Variants in P3H2 observed in about 807,000 individuals in gnomAD.
P3H2 encodes leprecan-like 1.
In P3H2, 80 loss-of-function variants were observed where a neutral mutation model predicts 87.0. The observed-to-expected ratio is 0.92, with a 90% confidence interval of 0.77 to 1.11. P3H2 has a LOEUF of 1.11. Among genes scored for constraint, P3H2 ranks in the 50% least tolerant of loss-of-function variants. The pLI, the probability that P3H2 is intolerant of heterozygous loss-of-function variation, is 0.00. For synonymous variants in P3H2, 367 were observed against 359.3 expected (o/e 1.02, Z -0.24); for missense variants, 1,001 against 923.9 (o/e 1.08, Z -1.08).
chr3:190,114,264 A>T (rs923903521), intron 1 of P3H2, among the ~76,000 whole-genome samples: 4 of 147,784 alleles, frequency 2.7e-5, no homozygotes, highest in Non-Finnish European at 4.5e-5. Context: ...GCTCACTGCA[A>T]GCTCCGCCTC....
intron 1 of P3H2, among the ~76,000 whole-genome samples, chr3:190,047,568 G>C (rs1044541687): frequency 2.0e-5 from 3 of 152,122 alleles, no homozygotes; most frequent in African/African-American, 7.2e-5. Flanking sequence ...TTTTATGGCT[G>C]AATAATATTC....
In P3H2 at chr3:190,120,385, C is replaced by T. The variant is rs1712505734; in HGVS notation, c.347G>A (p.Arg116Gln). 9 of 1,548,618 alleles carry T rather than the reference C, an allele frequency of 5.8e-6. No homozygotes were observed. The highest frequency in any genetic ancestry group is 6.9e-6 in the Non-Finnish European group (8 of 1,153,136). Residue 116 changes from arginine (R) to glutamine (Q), a missense_variant, in exon 1 of 15, where the codon CGG becomes CAG. Arg to Gln is a conservative substitution (Grantham distance 43). Coordinates refer to ENST00000319332, the MANE Select transcript of P3H2 (RefSeq NM_018192.4). ...CTCACAGCTGCGATAACAGCGCGCC[C>T]GCCCCAACAAGGAGCGGAAAAGGGG... Reference protein sequence around the residue: ...ELPLFRSLLGRARCYRSCETQ... With the variant: ...ELPLFRSLLGQARCYRSCETQ...
At chr3:189,980,520 G>A (rs1254718499) in intron 8 of P3H2, among the ~76,000 whole-genome samples, 15 of 151,632 alleles carry the variant, frequency 9.9e-5, no homozygotes, top group African/African-American at 3.4e-4. Flanking sequence ...CTGAGATCAC[G>A]CCACTGCACT....
intron 1 of P3H2, among the ~76,000 whole-genome samples, chr3:190,049,649 A>G (rs1725913029): frequency 6.6e-6 from 1 of 152,160 alleles, no homozygotes; most frequent in Non-Finnish European, 1.5e-5. Context: ...CAAAATTGTC[A>G]CCTATCTATA....
intron 1 of P3H2, among the ~76,000 whole-genome samples, chr3:190,081,017 C>G (rs1030876734): frequency 6.6e-6 from 1 of 152,204 alleles, no homozygotes; most frequent in Non-Finnish European, 1.5e-5. Flanking sequence ...CTCAGAATAT[C>G]TAACGCTTAC....
chr3:190,114,065 G>A (rs111316404), intron 1 of P3H2, among the ~76,000 whole-genome samples: 7,984 of 105,498 alleles, frequency 0.076, 518 homozygotes, highest in African/African-American at 0.15. Context: ...GGGCGACAGA[G>A]TGAGACTCCG....
chr3:190,085,781 A>G (rs1219941146), intron 1 of P3H2, among the ~76,000 whole-genome samples: 1 of 152,182 alleles, frequency 6.6e-6, no homozygotes, highest in Non-Finnish European at 1.5e-5. Flanking sequence ...ATAGATCAAA[A>G]AATCATGGCA....
intron 13 of P3H2, chr3:189,969,866 G>C: frequency 7.6e-7 from 1 of 1,324,164 alleles, no homozygotes; most frequent in Non-Finnish European, 1.1e-6. Context: ...GGCCATGTCC[G>C]CACAGGAAAG....
chr3:190,047,307 A>G (rs1217955912), intron 1 of P3H2, among the ~76,000 whole-genome samples: 1 of 152,212 alleles, frequency 6.6e-6, no homozygotes, highest in Non-Finnish European at 1.5e-5. Context: ...ATGGAAACCA[A>G]TATGGAAACA....
intron 1 of P3H2, among the ~76,000 whole-genome samples, chr3:190,062,937 CAGTAGTTGAGGGCCATG>C (rs1726379375): frequency 6.6e-6 from 1 of 152,038 alleles, no homozygotes; most frequent in Admixed American, 6.6e-5. Flanking sequence ...GTGGAGCAGG[CAGTAGTTGAGGGCCATG>C]AGCAAATTCT....
At chr3:190,033,916 A>AT (rs1725333656) in intron 1 of P3H2, among the ~76,000 whole-genome samples, 1 of 152,208 alleles carries the variant, frequency 6.6e-6, no homozygotes, top group African/African-American at 2.4e-5. Flanking sequence ...ACCGCCAAAT[A>AT]TTTAATAAAC....
intron 6 of P3H2, among the ~76,000 whole-genome samples, chr3:189,986,194 G>A (rs1204234197): frequency 3.9e-5 from 6 of 152,182 alleles, no homozygotes; most frequent in Non-Finnish European, 4.4e-5. Flanking sequence ...CGGGGCAAAT[G>A]AGTCATACAC....
chr3:190,078,579 C>A (rs1377625084), intron 1 of P3H2, among the ~76,000 whole-genome samples: 1 of 152,000 alleles, frequency 6.6e-6, no homozygotes, highest in Non-Finnish European at 1.5e-5. Flanking sequence ...CAAAGGAGAC[C>A]AACGAGCTAT....
chr3:190,061,830 C>T (rs1726340761), intron 1 of P3H2, among the ~76,000 whole-genome samples: 1 of 152,128 alleles, frequency 6.6e-6, no homozygotes, highest in African/African-American at 2.4e-5. Flanking sequence ...GAATTCAAAT[C>T]CTAGTGGATT....
chr3:190,101,004 C>T (rs886143691), intron 1 of P3H2, among the ~76,000 whole-genome samples: 1 of 152,012 alleles, frequency 6.6e-6, no homozygotes, highest in Admixed American at 6.6e-5. Context: ...ATTACTGTTA[C>T]GATGATCTGT....
chr3:190,093,462 A>G (rs1244343056), intron 1 of P3H2, among the ~76,000 whole-genome samples: 2 of 152,218 alleles, frequency 1.3e-5, no homozygotes, highest in Admixed American at 1.3e-4. Flanking sequence ...GGATAGCTAG[A>G]AAGGGTGAAA....
At chr3:190,049,491 G>A (rs967959415) in intron 1 of P3H2, among the ~76,000 whole-genome samples, 1 of 152,198 alleles carries the variant, frequency 6.6e-6, no homozygotes, top group Admixed American at 6.5e-5. Flanking sequence ...AGGTTGATGA[G>A]TGGTTGTTGA....
intron 1 of P3H2, among the ~76,000 whole-genome samples, chr3:190,095,745 C>T (rs1004792566): frequency 2.0e-5 from 3 of 151,780 alleles, no homozygotes; most frequent in Non-Finnish European, 4.4e-5. Context: ...GGACTACAGG[C>T]GCCCGCCACC....
Position 190,114,222 on chromosome 3 carries a change from C to T in P3H2, c.480+6030G>A, listed in dbSNP as rs533196664. Among the ~76,000 whole-genome samples, 316 of 145,294 alleles carry T rather than the reference C, an allele frequency of 2.2e-3. 2 individuals carry two copies. The highest frequency in any genetic ancestry group is 3.8e-3 in the Non-Finnish European group (254 of 66,686). On this transcript the variant is annotated intron_variant, in intron 1 of 14. Transcript: ENST00000319332. ...TTTTTGAGGCGGAGTCTTGCTCTGT[C>T]GCCCAGGCTGGAGTGCGGTGGCGCC...
Sources: gnomAD v4.1 joint callset for allele counts (sites outside exome capture counted in the v4.1 genomes callset) on GRCh38, gnomAD v4.1.1 for gene constraint, MANE v1.5 for transcripts, NCBI Gene and HGNC (gene_info 2026-07-23, HGNC 2026-07-21) for gene names.